The following CTDSPL2 variants were observed in gnomAD, a reference collection of about 807,000 sequenced individuals.
The protein encoded by CTDSPL2 is CTD small phosphatase like 2.
CTDSPL2 carries 5 observed loss-of-function variants against 60.0 expected under a neutral mutation model. That is an observed-to-expected ratio of 0.08 (90% confidence interval 0.04 to 0.18). The LOEUF is 0.18. Ranked by LOEUF, CTDSPL2 falls within the 10% of genes least tolerant of loss-of-function variation. CTDSPL2 has a pLI of 1.00. For missense variants in CTDSPL2, 370 were observed against 548.8 expected, an observed-to-expected ratio of 0.67 and a Z score of 3.26; for synonymous variants, 186 against 189.3, an observed-to-expected ratio of 0.98 and a Z score of 0.14.
intron 10 of CTDSPL2, chr15:44,516,655 C>T (rs2081658712): frequency 6.6e-6 from 1 of 152,198 alleles, no homozygotes; most frequent in Admixed American, 6.5e-5. Context: ...TGGTGAGCAA[C>T]ACAAGCTCTT....
At chr15:44,523,123 A>G (rs1416593430) in intron 12 of CTDSPL2, among the ~76,000 whole-genome samples, 1 of 152,012 alleles carries the variant, frequency 6.6e-6, no homozygotes, top group Non-Finnish European at 1.5e-5. Flanking sequence ...CAGTCTTCCA[A>G]GTAGCTGGGA....
At chr15:44,491,730 G>A (rs529848201) in intron 5 of CTDSPL2, among the ~76,000 whole-genome samples, 78 of 152,196 alleles carry the variant, frequency 5.1e-4, no homozygotes, top group Non-Finnish European at 7.8e-4. Context: ...TTGAGAGAGC[G>A]CAGTAAATAT....
At chr15:44,515,701 T>C (rs916076418) in intron 10 of CTDSPL2, among the ~76,000 whole-genome samples, 6 of 151,994 alleles carry the variant, frequency 3.9e-5, no homozygotes, top group Admixed American at 6.6e-5. Flanking sequence ...AGAAACCCCG[T>C]GTCTCTACTA....
chr15:44,486,924 C>T (rs1049575970), intron 4 of CTDSPL2, among the ~76,000 whole-genome samples: 3 of 151,900 alleles, frequency 2.0e-5, no homozygotes, highest in East Asian at 1.9e-4. Flanking sequence ...CCACCATGCC[C>T]GGCTAATATT....
chr15:44,428,907 AATTGTTC>A (rs141410182), intron 1 of CTDSPL2, among the ~76,000 whole-genome samples: 4,079 of 152,194 alleles, frequency 0.027, 92 homozygotes, highest in East Asian at 0.1. Context: ...ATTGCAGACC[AATTGTTC>A]ATAAAGAGAA....
chr15:44,467,699 A>G (rs888327137), intron 2 of CTDSPL2, among the ~76,000 whole-genome samples: 1 of 152,016 alleles, frequency 6.6e-6, no homozygotes, highest in African/African-American at 2.4e-5. Context: ...TTAGTCTCCC[A>G]AGTAACTGGG....
intron 12 of CTDSPL2, among the ~76,000 whole-genome samples, chr15:44,523,865 C>G (rs1206006365): frequency 1.3e-4 from 20 of 152,138 alleles, no homozygotes; most frequent in Admixed American, 1.3e-3. Context: ...TGCCATTGCA[C>G]TCCAGCCTGA....
chr15:44,430,855 C>G (rs955577575), intron 1 of CTDSPL2, among the ~76,000 whole-genome samples: 35 of 151,294 alleles, frequency 2.3e-4, no homozygotes, highest in African/African-American at 7.5e-4. Context: ...GAGTTTCGCT[C>G]TTATTGCCCA....
chr15:44,461,341 A>C (rs1435528700), intron 2 of CTDSPL2, among the ~76,000 whole-genome samples: 1 of 152,182 alleles, frequency 6.6e-6, no homozygotes, highest in Non-Finnish European at 1.5e-5. Flanking sequence ...TACCAATAAC[A>C]TAAACAATCA....
At chr15:44,428,247 G>A (rs917113294) in intron 1 of CTDSPL2, among the ~76,000 whole-genome samples, 9 of 152,142 alleles carry the variant, frequency 5.9e-5, no homozygotes, top group African/African-American at 1.9e-4. Context: ...GAAGGGATTT[G>A]ACTAAGTTCT....
chr15:44,496,632 C>A (rs980707985), intron 6 of CTDSPL2, among the ~76,000 whole-genome samples, 174 bp downstream of exon 6: 1 of 152,134 alleles, frequency 6.6e-6, no homozygotes, highest in Non-Finnish European at 1.5e-5. Context: ...GAGACCCAGG[C>A]AGGCAGATTG....
Position 44,490,788 on chromosome 15 carries a change from G to A in CTDSPL2, c.480G>A (p.Thr160=), listed in dbSNP as rs773676249. 30 of 1,611,884 alleles carry A rather than the reference G, an allele frequency of 1.9e-5. No homozygotes were observed. Among genetic ancestry groups the A allele is most frequent in the East Asian group, 2.2e-5 (1 of 44,846 alleles). ...TACACTGAATCATGATTTCAGGAAC[G>A]TCAGGATCAGATTCTCCAGGACAGG... is the stretch of plus-strand genomic sequence containing the variant. The part of the protein sequence containing the change: ...NFFSPANKNG[T]SGSDSPGQAV... Residue 160 remains threonine, a synonymous_variant, in exon 5 of 13, where the codon ACG becomes ACA. Coordinates refer to ENST00000260327, the MANE Select transcript of CTDSPL2 (RefSeq NM_016396.3).
At chr15:44,461,273 A>G (rs1228107062) in intron 2 of CTDSPL2, among the ~76,000 whole-genome samples, 1 of 152,256 alleles carries the variant, frequency 6.6e-6, no homozygotes, top group Non-Finnish European at 1.5e-5. Flanking sequence ...GAAAATCCAC[A>G]TACAACTTTT....
At chr15:44,449,079 G>C (rs756812697) in intron 1 of CTDSPL2, 1 of 319,700 alleles carries the variant, frequency 3.1e-6, no homozygotes, top group African/African-American at 2.3e-5. Flanking sequence ...AAGTCTTTCT[G>C]TCTGTAATAC....
intron 8 of CTDSPL2, among the ~76,000 whole-genome samples, chr15:44,505,441 A>G (rs1393736163): frequency 6.6e-6 from 1 of 151,344 alleles, no homozygotes; most frequent in Non-Finnish European, 1.5e-5. Flanking sequence ...AAGAAGGAGA[A>G]AAAACATACG....
chr15:44,449,639 G>T (rs1355932151), intron 1 of CTDSPL2, among the ~76,000 whole-genome samples: 1 of 152,020 alleles, frequency 6.6e-6, no homozygotes, highest in African/African-American at 2.4e-5. Flanking sequence ...CCTCAGTTCA[G>T]TATAAGGAAG....
intron 1 of CTDSPL2, among the ~76,000 whole-genome samples, chr15:44,455,585 G>C (rs1453676671): frequency 6.6e-6 from 1 of 152,096 alleles, no homozygotes; most frequent in African/African-American, 2.4e-5. Context: ...ATTATTTTGA[G>C]ATACATCCCA....
rs1189915834 is a variant in CTDSPL2, at chr15:44,427,634, A to C, written c.-163A>C. 3 of 399,096 alleles carry C rather than the reference A, an allele frequency of 7.5e-6. No homozygotes were observed. The highest frequency in any genetic ancestry group is 1.3e-5 in the Non-Finnish European group (3 of 226,228). 24.7% of individuals were successfully genotyped at this position (399,096 alleles called of 1,614,324 possible). On this transcript the variant is annotated 5_prime_UTR_variant, in exon 1 of 13. Transcript: ENST00000260327. ...CGGGTCCCTGTCCGTGCGGTGCAGC[A>C]GGTCGGTAGGCGGGAAATGGCGACT...
intron 2 of CTDSPL2, among the ~76,000 whole-genome samples, chr15:44,479,455 A>G (rs563089672): frequency 1.7e-5 from 2 of 116,244 alleles, no homozygotes; most frequent in African/African-American, 3.5e-5. Flanking sequence ...TCTGTTGCCC[A>G]GGTTGCAGTG....
Sources: allele counts gnomAD v4.1 joint callset (sites outside exome capture counted in the v4.1 genomes callset), GRCh38; gene constraint gnomAD v4.1.1; transcripts MANE v1.5; gene names NCBI Gene and HGNC (gene_info 2026-07-23, HGNC 2026-07-21).